FAM193A: variants seen among roughly 807,000 people sequenced by gnomAD.
FAM193A encodes family with sequence similarity 193 member A, also known as protein FAM193A.
FAM193A carries 22 observed loss-of-function variants against 126.5 expected under a neutral mutation model. The observed-to-expected ratio is 0.17, with a 90% CI of 0.12 to 0.25. The LOEUF is 0.25. Ranked by LOEUF, FAM193A falls within the 10% of genes least tolerant of loss-of-function variation. FAM193A has a pLI of 1.00. For synonymous variants in FAM193A, 761 were observed against 646.8 expected (o/e 1.18, Z -2.68); for missense variants, 1,675 against 1,672.8 (o/e 1.00, Z -0.02).
chr4:2,671,348 T>C (rs1713760065), intron 12 of FAM193A, among the ~76,000 whole-genome samples: 1 of 152,232 alleles, frequency 6.6e-6, no homozygotes. Context: ...GCTTCCCTAT[T>C]CATTCCCTTC....
At chr4:2,631,941 C>T (rs1377246258) in intron 5 of FAM193A, among the ~76,000 whole-genome samples, 1 of 152,178 alleles carries the variant, frequency 6.6e-6, no homozygotes, top group African/African-American at 2.4e-5. Context: ...TTTTTCATCA[C>T]TTAAACTTTA....
chr4:2,559,772 C>A (rs1457830306), intron 1 of FAM193A, among the ~76,000 whole-genome samples: 1 of 152,186 alleles, frequency 6.6e-6, no homozygotes, highest in Non-Finnish European at 1.5e-5. Context: ...CTGCCAGACT[C>A]CGGCTGCACG....
At position 2,625,393 on chromosome 4, in the gene FAM193A, C is replaced by T. The variant is rs1199992859; in HGVS notation, c.633C>T (p.Arg211=). 1.4e-6 allele frequency: 1 copy of T among 701,576 alleles called. No individual in the cohort carries two copies. Among genetic ancestry groups the T allele is most frequent in the East Asian group, 2.7e-5 (1 of 37,256 alleles). The allele number at this position is 701,576 out of a possible 1,614,324, so 43.5% of individuals were successfully genotyped here. ...TACSCEACSE[R]REISAEADRE... is the part of the protein sequence containing the mutation. ...GCTCGTGCGAGGCCTGCAGTGAGCG[C>T]AGGTATGTGACGTGTGTGCCACGTT... The change falls in exon 3 of 21, where the codon CGC becomes CGT. Residue 211 remains arginine, a splice_region_variant and synonymous_variant. Transcript: ENST00000637812.
At chr4:2,561,203 C>T (rs1179736721) in intron 1 of FAM193A, among the ~76,000 whole-genome samples, 2 of 152,102 alleles carry the variant, frequency 1.3e-5, no homozygotes, top group African/African-American at 4.8e-5. Context: ...CTTTTTTGAA[C>T]AGGATCTCGC....
chr4:2,689,940 G>A (rs1028452212), intron 14 of FAM193A, among the ~76,000 whole-genome samples: 4 of 152,200 alleles, frequency 2.6e-5, no homozygotes, highest in South Asian at 2.1e-4. Context: ...ATGGCTGCCC[G>A]TCAGCCCGGT....
intron 13 of FAM193A, among the ~76,000 whole-genome samples, chr4:2,683,389 G>A (rs1715381004): frequency 6.6e-6 from 1 of 151,942 alleles, no homozygotes; most frequent in South Asian, 2.1e-4. Context: ...CTGTCTCCCA[G>A]GTTCAAGTGA....
chr4:2,692,821 T>C (rs976274831), intron 15 of FAM193A, among the ~76,000 whole-genome samples: 1 of 144,220 alleles, frequency 6.9e-6, no homozygotes, highest in African/African-American at 2.6e-5. Flanking sequence ...GAGGTGATCA[T>C]GGTATTCAGC....
intron 2 of FAM193A, among the ~76,000 whole-genome samples, chr4:2,620,860 T>TAAAAAAAAAAAAAAAAAAA (rs1742505884): frequency 1.8e-5 from 2 of 113,886 alleles, no homozygotes; most frequent in African/African-American, 3.9e-5. Flanking sequence ...AAAAAAAAAG[T>TAAAAAAAAAAAAAAAAAAA]AATTAACAAG....
intron 20 of FAM193A, among the ~76,000 whole-genome samples, chr4:2,727,149 C>T (rs1278438173): frequency 1.3e-5 from 2 of 152,034 alleles, no homozygotes; most frequent in Non-Finnish European, 2.9e-5. Flanking sequence ...GTCCTAGCTA[C>T]TCTGGAGGCT....
chr4:2,662,864 C>T lies in FAM193A; in HGVS notation c.1772C>T (p.Pro591Leu), dbSNP rs1712630408. Residue 591 changes from proline to leucine, a missense_variant, in exon 11 of 21, where the codon CCA (proline) becomes CTA (leucine). This residue lies in a region of FAM193A where 1,186 missense variants were observed against 1,109.2 expected (regional missense o/e 1.07). Transcript: ENST00000637812. ...TFCSDDEDVA[P>L]LSAKFADIYP... is the part of the protein sequence containing the mutation. ...TGTAGTGATGATGAAGATGTTGCAC[C>T]ATTGTCAGCCAAATTTGCTGATATT... 6.2e-7 allele frequency: 1 copy of T among 1,611,308 alleles called. No individual in the cohort carries two copies. The highest frequency in any genetic ancestry group is 8.5e-7 in the Non-Finnish European group (1 of 1,177,700).
intron 5 of FAM193A, among the ~76,000 whole-genome samples, chr4:2,635,229 C>G (rs927093263): frequency 6.6e-6 from 1 of 152,170 alleles, no homozygotes; most frequent in Non-Finnish European, 1.5e-5. Context: ...TATTACACTG[C>G]CATCCAGTGA....
At chr4:2,585,307 C>G (rs1460170087) in intron 1 of FAM193A, among the ~76,000 whole-genome samples, 2 of 152,176 alleles carry the variant, frequency 1.3e-5, no homozygotes, top group African/African-American at 4.8e-5. Flanking sequence ...ATGCCTATTT[C>G]CCAAAGTGGT....
intron 14 of FAM193A, among the ~76,000 whole-genome samples, 172 bp downstream of exon 14, chr4:2,689,876 A>G (rs1716163104): frequency 6.6e-6 from 1 of 152,156 alleles, no homozygotes; most frequent in Non-Finnish European, 1.5e-5. Context: ...ATCCTCTCGC[A>G]TCTGCCACCA....
chr4:2,605,801 G>A (rs1325021325), intron 2 of FAM193A, among the ~76,000 whole-genome samples: 2 of 151,670 alleles, frequency 1.3e-5, no homozygotes, highest in South Asian at 4.2e-4. Context: ...GCGAAACCTC[G>A]TCTCTACTGA....
chr4:2,586,258 T>C (rs866493067), intron 1 of FAM193A, among the ~76,000 whole-genome samples: 3 of 150,922 alleles, frequency 2.0e-5, no homozygotes, highest in South Asian at 4.2e-4. Flanking sequence ...AAAAAAAATA[T>C]ATATATATAT....
At chr4:2,641,298 C>T (rs934240312) in intron 6 of FAM193A, among the ~76,000 whole-genome samples, 1 of 151,828 alleles carries the variant, frequency 6.6e-6, no homozygotes. Flanking sequence ...CCACCTGCCT[C>T]AGCCTCCCAA....
At position 2,672,351 on chromosome 4, in the gene FAM193A, G is replaced by C; in HGVS notation, c.2310G>C (p.Thr770=). 1 of 1,613,992 alleles carries C rather than the reference G, an allele frequency of 6.2e-7. No individual in the cohort carries two copies. The highest frequency in any genetic ancestry group is 8.5e-7 in the Non-Finnish European group (1 of 1,180,000). ...RPLIHPTLYA[T]PPFTHSKALP... is the part of the protein sequence containing the mutation. The stretch of plus-strand genomic sequence containing the variant: ...TCATCCACCCCACCTTGTATGCAAC[G>C]CCCCCCTTCACACACAGTAAGGTAA... The change falls in exon 13 of 21, where the codon ACG becomes ACC. Residue 770 remains threonine, a synonymous_variant. Transcript: ENST00000637812.
At chr4:2,656,953 G>T (rs893578170) in intron 7 of FAM193A, among the ~76,000 whole-genome samples, 1 of 152,192 alleles carries the variant, frequency 6.6e-6, no homozygotes, top group Admixed American at 6.5e-5. Context: ...GATCACTTGA[G>T]GCCAGGAGTT....
chr4:2,661,485 T>G (rs1712437415), intron 10 of FAM193A, among the ~76,000 whole-genome samples: 1 of 152,176 alleles, frequency 6.6e-6, no homozygotes, highest in African/African-American at 2.4e-5. Context: ...CTGTAAATTG[T>G]GCCTATGGTC....
Sources: gnomAD v4.1 joint callset for allele counts (sites outside exome capture counted in the v4.1 genomes callset) on GRCh38, gnomAD v4.1.1 for gene constraint, gnomAD v4.1.1 regional missense constraint, MANE v1.5 for transcripts, NCBI Gene and HGNC (gene_info 2026-07-23, HGNC 2026-07-21) for gene names.